Variants in GARNL3 observed in about 807,000 individuals in gnomAD.
GARNL3 encodes GTPase-activating Rap/Ran-GAP domain-like protein 3.
GARNL3 carries 63 observed loss-of-function variants against 125.0 expected under a neutral mutation model. The ratio of observed to expected loss-of-function variants is 0.50; its 90% CI spans 0.41 to 0.62. GARNL3 has a LOEUF of 0.62. Among genes scored for constraint, GARNL3 ranks in the 20% least tolerant of loss-of-function variants. The pLI, the probability that GARNL3 is intolerant of heterozygous loss-of-function variation, is 0.00. For synonymous variants in GARNL3, 439 were observed against 457.5 expected, an observed-to-expected ratio of 0.96 and a Z score of 0.52; for missense variants, 994 against 1,244.0, an observed-to-expected ratio of 0.80 and a Z score of 3.02.
chr9:127,228,694 T>C (rs2062954106), intron 1 of GARNL3, among the ~76,000 whole-genome samples: 1 of 152,264 alleles, frequency 6.6e-6, no homozygotes, highest in Non-Finnish European at 1.5e-5. Flanking sequence ...AGGTCAAATA[T>C]ATAGCAAATA....
intron 13 of GARNL3, among the ~76,000 whole-genome samples, chr9:127,341,622 C>T (rs1829864095): frequency 6.6e-6 from 1 of 152,124 alleles, no homozygotes; most frequent in African/African-American, 2.4e-5. Context: ...AGGAAGACAG[C>T]ATTCACTGTA....
rs748857772 is a variant in GARNL3, at chr9:127,357,362, C to T, written c.2079C>T (p.His693=). 6 of 1,613,818 alleles carry T rather than the reference C, an allele frequency of 3.7e-6. No homozygotes were observed. Among genetic ancestry groups the T allele is most frequent in the African/African-American group, 1.3e-5 (1 of 75,036 alleles). Residue 693 remains histidine, a synonymous_variant, in exon 21 of 28, where the codon CAC becomes CAT. Transcript: ENST00000373387. ...CAGGAGAAGCCTTCAGGCTGCACCACGTGGAGGCCAACAGGGTAAGCCAGC... is the reference window on the plus strand; with the variant it reads ...CAGGAGAAGCCTTCAGGCTGCACCATGTGGAGGCCAACAGGGTAAGCCAGC... ...ESTGEAFRLH[H]VEANRVNFVA...
At position 127,327,744 on chromosome 9, in the gene GARNL3, A is replaced by G. The variant is rs146869626; in HGVS notation, c.594+2649A>G. On this transcript the variant is annotated intron_variant, in intron 7 of 27. Coordinates refer to ENST00000373387, the MANE Select transcript of GARNL3 (RefSeq NM_032293.5). ...TCCATCTTAGATTCATGCTTGTTGC[A>G]GGAGAATTTATGGACTTCACATGTA... 3.3e-4 allele frequency among the ~76,000 whole-genome samples: 50 copies of G among 152,290 alleles called. 1 individual carries two copies. In the East Asian group the frequency reaches 8.7e-3, roughly 26 times the overall value.
At chr9:127,252,168 AT>A (rs2063416723) in intron 2 of GARNL3, among the ~76,000 whole-genome samples, 1 of 152,208 alleles carries the variant, frequency 6.6e-6, no homozygotes, top group African/African-American at 2.4e-5. Flanking sequence ...TGCATGTAAA[AT>A]TAAACATAAC....
At position 127,389,096 on chromosome 9, in the gene GARNL3, G is replaced by A. The variant is rs766919446; in HGVS notation, c.2720G>A (p.Ser907Asn). 5.6e-6 allele frequency: 9 copies of A among 1,613,842 alleles called. 1 individual carries two copies. The South Asian group carries it at 9.9e-5, about 18-fold the overall frequency. ...LSRMEIKEIA[S>N]RTRRELLGLS... is the part of the protein sequence containing the mutation. ...CGCATGGAGATCAAAGAAATAGCAA[G>A]CAGGACCCGCAGGGAACTACTGGGT... is the stretch of plus-strand genomic sequence containing the variant. Residue 907 changes from serine to asparagine, a missense_variant, in exon 26 of 28, where the codon AGC becomes AAC. Around this residue, in one of 5 missense-constraint regions of GARNL3, gnomAD observed 728 missense variants for 865.7 expected, o/e 0.84. Transcript: ENST00000373387.
chr9:127,386,546 T>C (rs182984596), intron 24 of GARNL3, among the ~76,000 whole-genome samples: 5 of 152,246 alleles, frequency 3.3e-5, no homozygotes, highest in African/African-American at 1.2e-4. Context: ...ACAGACACTG[T>C]TGGTGTCAAT....
At chr9:127,347,640 T>C (rs79058717) in intron 16 of GARNL3, among the ~76,000 whole-genome samples, 1,846 of 152,312 alleles carry the variant, frequency 0.012, 49 homozygotes, top group African/African-American at 0.043. Flanking sequence ...TGTTACCTAA[T>C]GCTGATGTCT....
intron 27 of GARNL3, among the ~76,000 whole-genome samples, chr9:127,391,537 T>A (rs532351232): frequency 0.043 from 2,788 of 64,946 alleles, 303 homozygotes; most frequent in African/African-American, 0.098. Context: ...AAAAAAAATA[T>A]ATATATATAT....
intron 2 of GARNL3, among the ~76,000 whole-genome samples, chr9:127,254,452 T>C (rs1488867738): frequency 6.6e-6 from 1 of 152,114 alleles, no homozygotes; most frequent in African/African-American, 2.4e-5. Context: ...TGTAATTTGT[T>C]AACAAAAAAT....
chr9:127,246,557 G>C (rs1249909107), intron 2 of GARNL3, among the ~76,000 whole-genome samples: 1 of 152,182 alleles, frequency 6.6e-6, no homozygotes, highest in East Asian at 1.9e-4. Context: ...CTTAATCCCA[G>C]GACTTTGAGA....
At position 127,365,363 on chromosome 9, in the gene GARNL3, A is replaced by C; in HGVS notation, c.2158A>C (p.Asn720His). The C allele has an allele frequency of 6.2e-7, 1 of 1,611,784 alleles. No homozygotes were observed. Among genetic ancestry groups the C allele is most frequent in the Non-Finnish European group, 8.5e-7 (1 of 1,177,976 alleles). ...AGAAGCTGGTTTGCTGTTGTGTTACAACTGTAAGTTAAGGATGTGCTTTTA... is the reference window on the plus strand; with the variant it reads ...AGAAGCTGGTTTGCTGTTGTGTTACCACTGTAAGTTAAGGATGTGCTTTTA... ...DGEAGLLLCY[N>H]YSCIYKKVCP... Residue 720 changes from asparagine to histidine, a missense_variant, in exon 22 of 28, where the codon AAC (asparagine) becomes CAC (histidine). Transcript: ENST00000373387.
chr9:127,235,517 T>G (rs2063094658), intron 1 of GARNL3, among the ~76,000 whole-genome samples: 1 of 152,192 alleles, frequency 6.6e-6, no homozygotes, highest in African/African-American at 2.4e-5. Context: ...AGACTTTGAT[T>G]AATTGTTCAT....
intron 2 of GARNL3, among the ~76,000 whole-genome samples, chr9:127,248,977 AG>A (rs200473479): frequency 0.015 from 2,353 of 152,214 alleles, 113 homozygotes; most frequent in Admixed American, 0.11. Flanking sequence ...AAGACAAGAA[AG>A]GGTTGGTTTA....
chr9:127,226,356 TCA>T (rs1346351569), intron 1 of GARNL3, among the ~76,000 whole-genome samples: 1 of 152,238 alleles, frequency 6.6e-6, no homozygotes, highest in Non-Finnish European at 1.5e-5. Flanking sequence ...CCCTCCATCC[TCA>T]GTTCTTGGCA....
In GARNL3 at chr9:127,264,838, G is replaced by T. The variant is rs181596981; in HGVS notation, c.-40G>T. The T allele has an allele frequency of 6.7e-7, 1 of 1,493,198 alleles. No homozygotes were observed. Among genetic ancestry groups the T allele is most frequent in the Admixed American group, 2.0e-5 (1 of 50,424 alleles). 92.5% of individuals were successfully genotyped at this position (1,493,198 alleles called of 1,614,324 possible). A position where few individuals can be genotyped will look rare whatever the true frequency, so the allele number is the denominator to read the frequency against. Reference sequence around the variant, plus strand: ...GGAGGCTCCCCTGCAGTGAGGAGCCGGGGCACTGCAAGTCTGTTCCATAGC... The same window carrying T: ...GGAGGCTCCCCTGCAGTGAGGAGCCTGGGCACTGCAAGTCTGTTCCATAGC... On this transcript the variant is annotated 5_prime_UTR_variant, in exon 1 of 28. Coordinates refer to ENST00000373387, the MANE Select transcript of GARNL3 (RefSeq NM_032293.5).
At chr9:127,246,927 C>A (rs1215266819) in intron 2 of GARNL3, among the ~76,000 whole-genome samples, 1 of 129,734 alleles carries the variant, frequency 7.7e-6, no homozygotes, top group African/African-American at 2.8e-5. Context: ...AGTTGACCTT[C>A]CTTCTTTTTT....
intron 6 of GARNL3, among the ~76,000 whole-genome samples, chr9:127,322,377 C>T (rs1456846727): frequency 6.6e-6 from 1 of 151,828 alleles, no homozygotes; most frequent in African/African-American, 2.4e-5. Context: ...GCTCAGTCAT[C>T]CCTGTCTGAT....
intron 1 of GARNL3, among the ~76,000 whole-genome samples, chr9:127,273,429 A>G (rs937608471): frequency 6.6e-6 from 1 of 152,184 alleles, no homozygotes; most frequent in African/African-American, 2.4e-5. Context: ...ATTTCAAACT[A>G]TTTTTCGTCC....
rs149601100 is a variant in GARNL3 at position 127,384,058 on chromosome 9, G to A, written c.2269+513G>A. 3.0e-3 allele frequency among the ~76,000 whole-genome samples: 454 copies of A among 152,348 alleles called. 1 individual carries two copies. Among genetic ancestry groups the A allele is most frequent in the African/African-American group, 0.01 (433 of 41,578 alleles). On this transcript the variant is annotated intron_variant, in intron 23 of 27. Coordinates refer to ENST00000373387, the MANE Select transcript of GARNL3 (RefSeq NM_032293.5). This position sits in a 1 kb window ranked among gnomAD's most constrained non-coding sequence, Gnocchi z 4.0. ...ACTGGCCATTGCCTTTTGGAAGTCAGATCAGAGCCAAGAATGTTCCAGTTC... is the reference window on the plus strand; with the variant it reads ...ACTGGCCATTGCCTTTTGGAAGTCAAATCAGAGCCAAGAATGTTCCAGTTC...
Sources: gnomAD v4.1 joint callset for allele counts (sites outside exome capture counted in the v4.1 genomes callset) on GRCh38, gnomAD v4.1.1 for gene constraint, gnomAD v4.1.1 regional missense constraint, Gnocchi (gnomAD v3.1) non-coding constraint, MANE v1.5 for transcripts, NCBI Gene and HGNC (gene_info 2026-07-23, HGNC 2026-07-21) for gene names.